Variants in RNGTT observed in about 807,000 individuals in gnomAD.
The protein encoded by RNGTT is RNA guanylyltransferase and 5'-phosphatase.
RNGTT carries 33 observed loss-of-function variants against 79.3 expected under a neutral mutation model. That is an observed-to-expected ratio of 0.42 (90% CI 0.32 to 0.56). RNGTT has a LOEUF of 0.56. Ranked by LOEUF, RNGTT falls within the 20% of genes least tolerant of loss-of-function variation. The pLI, the probability that RNGTT is intolerant of heterozygous loss-of-function variation, is 0.17. For synonymous variants in RNGTT, 222 were observed against 235.9 expected (o/e 0.94, Z 0.54); for missense variants, 497 against 739.1 (o/e 0.67, Z 3.80).
intron 13 of RNGTT, among the ~76,000 whole-genome samples, chr6:88,729,388 GAAAA>G (rs59571346): frequency 1.5e-4 from 12 of 79,726 alleles, no homozygotes; most frequent in South Asian, 4.7e-4. Flanking sequence ...ACCAGAAAAA[GAAAA>G]AAAAAAAAAA....
chr6:88,855,696 A>G lies in RNGTT; in HGVS notation c.897-1932T>C, dbSNP rs192322289. Among the ~76,000 whole-genome samples, 167 of 152,222 alleles carry G rather than the reference A, an allele frequency of 1.1e-3. No individual in the cohort carries two copies. The Middle Eastern group carries it at 0.014, about 12-fold the overall frequency. ...TGGGGACTCAGGTTTCACTAGGAAA[A>G]ATAAATTCAGCCTCAGTCTGGACTG... On this transcript the variant is annotated intron_variant, in intron 8 of 15. Transcript: ENST00000369485.
At chr6:88,725,488 T>C (rs1441043116) in intron 13 of RNGTT, among the ~76,000 whole-genome samples, 1 of 152,154 alleles carries the variant, frequency 6.6e-6, no homozygotes, top group African/African-American at 2.4e-5. Context: ...TAGTCAGGAC[T>C]AGGGAAAGAA....
At chr6:88,698,476 T>C (rs907740153) in intron 13 of RNGTT, among the ~76,000 whole-genome samples, 3 of 151,112 alleles carry the variant, frequency 2.0e-5, no homozygotes, top group African/African-American at 7.3e-5. Context: ...TTACCTTAAC[T>C]GAGTCATTAT....
chr6:88,896,727 ACAGT>A (rs1329135408), intron 6 of RNGTT, among the ~76,000 whole-genome samples: 2 of 152,340 alleles, frequency 1.3e-5, no homozygotes, highest in East Asian at 1.9e-4. Flanking sequence ...TCTGCTGTTT[ACAGT>A]CAGAGAGTCT....
chr6:88,645,002 G>C (rs545020959), intron 14 of RNGTT, among the ~76,000 whole-genome samples: 2 of 152,090 alleles, frequency 1.3e-5, no homozygotes, highest in African/African-American at 4.8e-5. Context: ...GTTCTGGCCA[G>C]GGCAATCAGG....
At chr6:88,862,274 C>G (rs1782037888) in intron 8 of RNGTT, among the ~76,000 whole-genome samples, 1 of 152,118 alleles carries the variant, frequency 6.6e-6, no homozygotes, top group South Asian at 2.1e-4. Context: ...CACCCCACAT[C>G]TTCTAGGAAG....
chr6:88,843,548 C>CTTTTT lies in RNGTT; in HGVS notation c.1269+804_1269+808dup, dbSNP rs11312733. The stretch of plus-strand genomic sequence containing the variant: ...ACATCTTGGAATATTTAGTATGATT[C>CTTTTT]TTTTTTTTTTTTTTTTTTTTTTTTT... On this transcript the variant is annotated intron_variant, in intron 11 of 15. Transcript: ENST00000369485. Among the ~76,000 whole-genome samples the CTTTTT allele has an allele frequency of 3.6e-4, 24 of 66,654 alleles. 2 individuals are homozygous for CTTTTT. The highest frequency in any genetic ancestry group is 7.5e-4 in the African/African-American group (11 of 14,760). The allele number at this position is 66,654 out of a possible 152,430, so 43.7% of individuals were successfully genotyped here. A position where few individuals can be genotyped will look rare whatever the true frequency, so the allele number is the denominator to read the frequency against.
chr6:88,790,135 A>G (rs528904985), intron 12 of RNGTT, among the ~76,000 whole-genome samples: 3 of 152,240 alleles, frequency 2.0e-5, no homozygotes, highest in Non-Finnish European at 4.4e-5. Context: ...TAGAAAGTAC[A>G]GAAGTTAACA....
chr6:88,907,569 T>C (rs756048150), intron 4 of RNGTT, among the ~76,000 whole-genome samples: 20 of 152,134 alleles, frequency 1.3e-4, no homozygotes, highest in Admixed American at 3.3e-4. Context: ...CCTTCATAAA[T>C]TACCCATTCT....
chr6:88,804,167 T>C (rs1464471289), intron 11 of RNGTT, among the ~76,000 whole-genome samples: 4 of 152,178 alleles, frequency 2.6e-5, no homozygotes, highest in East Asian at 1.9e-4. Flanking sequence ...GAAACTGAGG[T>C]CATCAGACAT....
At chr6:88,711,293 C>T (rs1248094914) in intron 13 of RNGTT, among the ~76,000 whole-genome samples, 1 of 152,094 alleles carries the variant, frequency 6.6e-6, no homozygotes, top group Non-Finnish European at 1.5e-5. Context: ...GACACCTTAC[C>T]AAGAATTAGA....
intron 4 of RNGTT, among the ~76,000 whole-genome samples, chr6:88,922,901 T>C (rs1186555637): frequency 6.6e-6 from 1 of 152,202 alleles, no homozygotes; most frequent in Non-Finnish European, 1.5e-5. Context: ...ATGCAATCAA[T>C]ATGATGGAAA....
At chr6:88,647,701 T>TAAAAAAAAAAAAAAAAAA (rs746472579) in intron 14 of RNGTT, among the ~76,000 whole-genome samples, 23 of 100,842 alleles carry the variant, frequency 2.3e-4, no homozygotes, top group East Asian at 8.1e-4. Context: ...GACACCCTGT[T>TAAAAAAAAAAAAAAAAAA]AAAAAAAAAA....
chr6:88,904,656 C>A, intron 6 of RNGTT, 59 bp downstream of exon 6: 1 of 1,488,526 alleles, frequency 6.7e-7, no homozygotes. Flanking sequence ...TTTTATAAAT[C>A]TCAATAAGCT....
At chr6:88,830,318 A>G (rs1780813995) in intron 11 of RNGTT, among the ~76,000 whole-genome samples, 1 of 152,178 alleles carries the variant, frequency 6.6e-6, no homozygotes, top group Non-Finnish European at 1.5e-5. Flanking sequence ...TTAATTAAGG[A>G]AGAAATAAAT....
chr6:88,895,157 A>C (rs774798453), intron 6 of RNGTT, among the ~76,000 whole-genome samples: 2 of 151,986 alleles, frequency 1.3e-5, no homozygotes, highest in Non-Finnish European at 2.9e-5. Flanking sequence ...TCACAACAGA[A>C]ATGAGTGATC....
chr6:88,955,596 A>T (rs1785401333), intron 1 of RNGTT, among the ~76,000 whole-genome samples: 1 of 151,832 alleles, frequency 6.6e-6, no homozygotes, highest in Non-Finnish European at 1.5e-5. Context: ...AGGAGCACAA[A>T]CAGAAAATCT....
rs1239169085 is a variant in RNGTT, at chr6:88,687,261, C to T, written c.1440-8842G>A. ...ATACAATTCCCACTTACCAGATTGG[C>T]AAAATTAAAAGGTATGGACCACACA... On this transcript the variant is annotated intron_variant, in intron 13 of 15. Transcript: ENST00000369485. Among the ~76,000 whole-genome samples, 4 of 152,084 alleles carry T rather than the reference C, an allele frequency of 2.6e-5. No homozygotes were observed. In the East Asian group the frequency reaches 7.7e-4, roughly 29 times the overall value.
intron 11 of RNGTT, among the ~76,000 whole-genome samples, chr6:88,816,473 A>C (rs1446744949): frequency 2.6e-5 from 4 of 152,142 alleles, no homozygotes; most frequent in African/African-American, 9.7e-5. Context: ...GAAATGAAAA[A>C]CTTCTTTAAT....
Sources: allele counts gnomAD v4.1 joint callset (sites outside exome capture counted in the v4.1 genomes callset), GRCh38; gene constraint gnomAD v4.1.1; transcripts MANE v1.5; gene names NCBI Gene and HGNC (gene_info 2026-07-23, HGNC 2026-07-21).